TTC39B: variants seen among roughly 807,000 people sequenced by gnomAD.
TTC39B encodes the protein tetratricopeptide repeat protein 39B.
In TTC39B, 92 loss-of-function variants were observed where a neutral mutation model predicts 96.6. The observed-to-expected ratio is 0.95, with a 90% CI of 0.80 to 1.13. TTC39B has a LOEUF of 1.13. Among genes scored for constraint, TTC39B ranks in the 50% most tolerant of loss-of-function variants. The pLI is 0.00. For synonymous variants in TTC39B, 367 were observed against 299.4 expected, an observed-to-expected ratio of 1.23 and a Z score of -2.33; for missense variants, 955 against 809.3, an observed-to-expected ratio of 1.18 and a Z score of -2.18.
At chr9:15,268,088 T>C in intron 1 of TTC39B, 140 bp from the exon 2 acceptor site, 1 of 626,492 alleles carries the variant, frequency 1.6e-6, no homozygotes, top group South Asian at 2.4e-5. Flanking sequence ...ATCAATCAAC[T>C]TAACGCTTAT....
intron 3 of TTC39B, among the ~76,000 whole-genome samples, chr9:15,218,632 T>TAAAAAAAAAAAAATATATATATATATATA (rs545882970): frequency 9.5e-6 from 1 of 105,110 alleles, no homozygotes; most frequent in African/African-American, 3.6e-5. Context: ...TTAGTCTATT[T>TAAAAAAAAAAAAATATATATATATATATA]TAAATATATA....
At chr9:15,170,125 T>C (rs1817600904) in exon 20 of TTC39B, 1 of 152,268 alleles carries the variant, frequency 6.6e-6, no homozygotes, top group African/African-American at 2.4e-5. Context: ...GTTAATTTTA[T>C]TTTCTATTTT....
chr9:15,300,492 C>G (rs890857870), intron 1 of TTC39B, among the ~76,000 whole-genome samples: 2 of 152,282 alleles, frequency 1.3e-5, no homozygotes, highest in East Asian at 3.9e-4. Flanking sequence ...GTTGCAACAG[C>G]CTTTTGTCCT....
intron 6 of TTC39B, 41 bp downstream of exon 6, chr9:15,210,047 T>C: frequency 1.4e-6 from 2 of 1,419,446 alleles, no homozygotes; most frequent in South Asian, 1.2e-5. Context: ...CATTTAACTA[T>C]TAAAATCAAG....
chr9:15,251,518 G>A (rs544723726), intron 2 of TTC39B, among the ~76,000 whole-genome samples: 8 of 151,720 alleles, frequency 5.3e-5, no homozygotes, highest in Non-Finnish European at 7.4e-5. Context: ...GCTGAGTAGC[G>A]CCATTGCACT....
chr9:15,243,541 C>T (rs543406409), intron 2 of TTC39B, among the ~76,000 whole-genome samples: 19 of 152,310 alleles, frequency 1.2e-4, no homozygotes, highest in African/African-American at 2.4e-4. Flanking sequence ...AAAGCACTTT[C>T]GTAAGAACCA....
At position 15,192,608 on chromosome 9, in the gene TTC39B, G is replaced by A. The variant is rs374040434; in HGVS notation, c.912C>T (p.Gly304=). 5 of 1,613,856 alleles carry A rather than the reference G, an allele frequency of 3.1e-6. No homozygotes were observed. In the South Asian group the frequency reaches 5.5e-5, roughly 18 times the overall value. ...TCCTTACCAAATTAAAGGCCCCACTGCCAAGCTTGACACCCCCTTCAAACT... is the reference window on the plus strand; with the variant it reads ...TCCTTACCAAATTAAAGGCCCCACTACCAAGCTTGACACCCCCTTCAAACT... Residue 304 remains glycine (G), a synonymous_variant, in exon 9 of 20, where the codon GGC becomes GGT. Coordinates refer to ENST00000512701, the Ensembl canonical transcript of TTC39B.
At chr9:15,176,737 G>A (rs1817959728) in intron 18 of TTC39B, among the ~76,000 whole-genome samples, 1 of 152,068 alleles carries the variant, frequency 6.6e-6, no homozygotes, top group Non-Finnish European at 1.5e-5. Flanking sequence ...GAGGAGTGTG[G>A]CTACACTCTT....
intron 8 of TTC39B, among the ~76,000 whole-genome samples, chr9:15,195,500 C>T (rs976671753): frequency 3.3e-5 from 5 of 151,690 alleles, no homozygotes; most frequent in Non-Finnish European, 7.4e-5. Context: ...TGAAACCTTG[C>T]CTCTACTAAA....
intron 2 of TTC39B, among the ~76,000 whole-genome samples, chr9:15,259,484 T>G (rs1156724129): frequency 6.6e-6 from 1 of 152,186 alleles, no homozygotes; most frequent in Non-Finnish European, 1.5e-5. Context: ...TAAAACATGT[T>G]CATACAAAGA....
intron 2 of TTC39B, among the ~76,000 whole-genome samples, chr9:15,255,693 T>C (rs141561769): frequency 6.6e-6 from 1 of 152,238 alleles, no homozygotes; most frequent in African/African-American, 2.4e-5. Context: ...AAACGTCAAG[T>C]GAAAACTGAG....
chr9:15,276,398 C>A (rs1451984777), intron 1 of TTC39B, among the ~76,000 whole-genome samples: 3 of 152,152 alleles, frequency 2.0e-5, no homozygotes, highest in Non-Finnish European at 1.5e-5. Context: ...GCCCATAGCA[C>A]CCACCCTAGG....
At chr9:15,194,207 CA>C (rs1296669448) in intron 8 of TTC39B, among the ~76,000 whole-genome samples, 2 of 151,984 alleles carry the variant, frequency 1.3e-5, no homozygotes, top group Admixed American at 1.3e-4. Context: ...AAATAAAAAA[CA>C]AAAAAGTTTA....
chr9:15,212,573 G>A (rs1451222311), intron 4 of TTC39B, among the ~76,000 whole-genome samples: 2 of 152,120 alleles, frequency 1.3e-5, no homozygotes, highest in Non-Finnish European at 2.9e-5. Context: ...TTACAGGCAT[G>A]CACCACCATG....
intron 6 of TTC39B, among the ~76,000 whole-genome samples, 154 bp downstream of exon 6, chr9:15,209,934 G>C (rs908799460): frequency 6.6e-6 from 1 of 152,120 alleles, no homozygotes; most frequent in Admixed American, 6.5e-5. Flanking sequence ...GCTTCAAAAT[G>C]AACTATTAAC....
intron 19 of TTC39B, among the ~76,000 whole-genome samples, chr9:15,174,126 G>T (rs564362058): frequency 1.3e-5 from 2 of 152,218 alleles, no homozygotes; most frequent in East Asian, 3.9e-4. Flanking sequence ...TAACACCCAG[G>T]CACCATGTAT....
chr9:15,265,186 T>C (rs1187079700), intron 2 of TTC39B, among the ~76,000 whole-genome samples: 1 of 145,066 alleles, frequency 6.9e-6, no homozygotes, highest in African/African-American at 2.8e-5. Context: ...TGGTTTGATT[T>C]TTTTAAAAAC....
At chr9:15,275,607 A>G (rs1396566925) in intron 1 of TTC39B, among the ~76,000 whole-genome samples, 1 of 152,208 alleles carries the variant, frequency 6.6e-6, no homozygotes, top group Admixed American at 6.5e-5. Context: ...GGATACGCCC[A>G]TGATGAAACC....
In TTC39B at chr9:15,306,425, C is replaced by G. The variant is rs532167374; in HGVS notation, c.240+659G>C. Among the ~76,000 whole-genome samples, 1 of 152,254 alleles carries G rather than the reference C, an allele frequency of 6.6e-6. No individual in the cohort carries two copies. The highest frequency in any genetic ancestry group is 6.5e-5 in the Admixed American group (1 of 15,302). On this transcript the variant is annotated intron_variant, in intron 1 of 19. Coordinates refer to ENST00000512701, the Ensembl canonical transcript of TTC39B. The surrounding 1 kb of genome is among the most constrained non-coding windows in gnomAD (Gnocchi z 5.1). The stretch of plus-strand genomic sequence containing the variant: ...GTCGGTTCTCAAAGTGGTTTCCCTC[C>G]GGCCACCACCGACTCTGAGGACCTG...
Sources: allele counts gnomAD v4.1 joint callset (sites outside exome capture counted in the v4.1 genomes callset), GRCh38; gene constraint gnomAD v4.1.1; non-coding constraint Gnocchi (gnomAD v3.1); transcripts MANE v1.5; gene names NCBI Gene and HGNC (gene_info 2026-07-23, HGNC 2026-07-21).